The following TRERF1 variants were observed in gnomAD, a reference collection of about 807,000 sequenced individuals.
TRERF1 encodes the protein transcriptional-regulating factor 1.
TRERF1 carries 27 observed loss-of-function variants against 122.9 expected under a neutral mutation model. The ratio of observed to expected loss-of-function variants is 0.22; its 90% confidence interval spans 0.16 to 0.30. TRERF1 has a LOEUF of 0.30. Ranked by LOEUF, TRERF1 falls within the 10% of genes least tolerant of loss-of-function variation. The pLI is 1.00. For missense variants in TRERF1, 1,248 were observed against 1,560.3 expected, an observed-to-expected ratio of 0.80 and a Z score of 3.37; for synonymous variants, 636 against 641.7, an observed-to-expected ratio of 0.99 and a Z score of 0.13.
At chr6:42,408,543 T>C (rs983854346) in intron 2 of TRERF1, among the ~76,000 whole-genome samples, 2 of 151,492 alleles carry the variant, frequency 1.3e-5, no homozygotes, top group Non-Finnish European at 2.9e-5. Flanking sequence ...CACACCCGGC[T>C]AATTTTGTAT....
At chr6:42,322,520 T>C (rs2150473124) in intron 3 of TRERF1, among the ~76,000 whole-genome samples, 1 of 152,150 alleles carries the variant, frequency 6.6e-6, no homozygotes, top group South Asian at 2.1e-4. Flanking sequence ...GATCAATTCG[T>C]GGGGTTGTAT....
chr6:42,380,048 G>A (rs1007622072), intron 2 of TRERF1, among the ~76,000 whole-genome samples: 4 of 152,210 alleles, frequency 2.6e-5, no homozygotes, highest in Non-Finnish European at 4.4e-5. Context: ...TATCTACGAC[G>A]GTTGGGGCAG....
At position 42,266,037 on chromosome 6, in the gene TRERF1, C is replaced by T. The variant is rs573427884; in HGVS notation, c.1438-240G>A. On this transcript the variant is annotated intron_variant, in intron 5 of 17. Transcript: ENST00000372922. ...CTCCTGGAGCTGCTGCCAGCCACAA[C>T]AAGCCCACCAGGATGCAACTCCCCC... Among the ~76,000 whole-genome samples, 4 of 152,246 alleles carry T rather than the reference C, an allele frequency of 2.6e-5. No homozygotes were observed. The South Asian group carries it at 8.3e-4, about 32-fold the overall frequency.
Position 42,259,188 on chromosome 6 carries a change from C to T in TRERF1, c.2269+151G>A, listed in dbSNP as rs1777324943. The T allele has an allele frequency of 5.6e-6, 6 of 1,072,472 alleles. No homozygotes were observed. The South Asian group carries it at 8.1e-5, about 14-fold the overall frequency. 66.4% of individuals were successfully genotyped at this position (1,072,472 alleles called of 1,614,324 possible). ...CCTTGAGGATAAGGGCTATGTATTC[C>T]AAGTCTTTCTTAACACCCAGCAGCG... is the stretch of plus-strand genomic sequence containing the variant. On this transcript the variant is annotated intron_variant, in intron 9 of 17. Transcript: ENST00000372922. The surrounding 1 kb of genome is among the most constrained non-coding windows in gnomAD (Gnocchi z 4.9).
chr6:42,449,476 A>C (rs1305384715), intron 2 of TRERF1, among the ~76,000 whole-genome samples: 1 of 152,170 alleles, frequency 6.6e-6, no homozygotes, highest in African/African-American at 2.4e-5. Flanking sequence ...GAAAAAAAAA[A>C]AAAACTACTG....
chr6:42,325,848 C>T (rs1399303648), intron 3 of TRERF1, among the ~76,000 whole-genome samples: 2 of 152,206 alleles, frequency 1.3e-5, no homozygotes, highest in African/African-American at 4.8e-5. Context: ...GCACTCCAGC[C>T]TGGGGCCACA....
intron 3 of TRERF1, among the ~76,000 whole-genome samples, chr6:42,338,656 A>G (rs1186651614): frequency 3.9e-5 from 6 of 152,034 alleles, no homozygotes; most frequent in Admixed American, 3.9e-4. Flanking sequence ...CTCACACACC[A>G]TTCCTAGGAG....
intron 4 of TRERF1, among the ~76,000 whole-genome samples, chr6:42,290,149 G>A (rs1229511097): frequency 1.3e-5 from 2 of 152,166 alleles, no homozygotes; most frequent in Non-Finnish European, 2.9e-5. Context: ...TGGGCCCAGC[G>A]CTCAGGGGTC....
intron 4 of TRERF1, among the ~76,000 whole-genome samples, chr6:42,277,160 C>T (rs10948030): frequency 0.27 from 41,395 of 151,824 alleles, 5,708 homozygotes; most frequent in East Asian, 0.34. Flanking sequence ...GAAGTGGGAG[C>T]TGCAGGAGTC....
At chr6:42,407,175 T>C (rs1780295926) in intron 2 of TRERF1, among the ~76,000 whole-genome samples, 1 of 152,178 alleles carries the variant, frequency 6.6e-6, no homozygotes, top group Admixed American at 6.5e-5. Context: ...TACAAAAAGT[T>C]TCAACTGCAT....
intron 3 of TRERF1, among the ~76,000 whole-genome samples, chr6:42,307,827 G>A (rs1291256597): frequency 6.6e-6 from 1 of 152,208 alleles, no homozygotes; most frequent in African/African-American, 2.4e-5. Context: ...GACTCTGACT[G>A]AACTCACTGA....
chr6:42,243,811 A>C (rs1240529989), intron 14 of TRERF1, among the ~76,000 whole-genome samples: 2 of 149,620 alleles, frequency 1.3e-5, no homozygotes, highest in South Asian at 4.2e-4. Context: ...TGATCTCCTG[A>C]CCTCGTGATC....
At chr6:42,295,225 C>T (rs1784896434) in intron 4 of TRERF1, among the ~76,000 whole-genome samples, 1 of 152,178 alleles carries the variant, frequency 6.6e-6, no homozygotes, top group South Asian at 2.1e-4. Context: ...AGGTGAACTT[C>T]AAATAATTTT....
At chr6:42,374,603 A>C (rs962008388) in intron 2 of TRERF1, among the ~76,000 whole-genome samples, 3 of 152,192 alleles carry the variant, frequency 2.0e-5, no homozygotes, top group African/African-American at 7.2e-5. Flanking sequence ...TGACTGACAG[A>C]GCAAGACCTA....
chr6:42,230,998 T>C (rs1386746878), intron 17 of TRERF1, among the ~76,000 whole-genome samples: 2 of 152,256 alleles, frequency 1.3e-5, no homozygotes, highest in Admixed American at 6.5e-5. Context: ...ACCTGCCTCA[T>C]AGGGCTATTT....
chr6:42,340,833 A>G (rs1428812070), intron 3 of TRERF1, among the ~76,000 whole-genome samples: 1 of 152,188 alleles, frequency 6.6e-6, no homozygotes, highest in Non-Finnish European at 1.5e-5. Flanking sequence ...TGAAATGATC[A>G]ATTTCTTTCT....
At chr6:42,266,685 T>C (rs941563188) in intron 5 of TRERF1, among the ~76,000 whole-genome samples, 1 of 152,200 alleles carries the variant, frequency 6.6e-6, no homozygotes, top group Non-Finnish European at 1.5e-5. Flanking sequence ...GACACTGCTG[T>C]CATGTGACTG....
intron 3 of TRERF1, among the ~76,000 whole-genome samples, chr6:42,348,864 A>G (rs1311186651): frequency 6.6e-6 from 1 of 152,188 alleles, no homozygotes; most frequent in Non-Finnish European, 1.5e-5. Context: ...AAGATTAGTT[A>G]GAAGGAAGGC....
At chr6:42,345,654 A>G (rs1398045470) in intron 3 of TRERF1, among the ~76,000 whole-genome samples, 1 of 152,266 alleles carries the variant, frequency 6.6e-6, no homozygotes, top group African/African-American at 2.4e-5. Context: ...AAGCTAAACT[A>G]ATACATAAAG....
Sources: allele counts gnomAD v4.1 joint callset (sites outside exome capture counted in the v4.1 genomes callset), GRCh38; gene constraint gnomAD v4.1.1; non-coding constraint Gnocchi (gnomAD v3.1); transcripts MANE v1.5; gene names NCBI Gene and HGNC (gene_info 2026-07-23, HGNC 2026-07-21).